The following DPP10 variants were observed in gnomAD, a reference collection of about 807,000 sequenced individuals.
DPP10 encodes inactive dipeptidyl peptidase 10.
In DPP10, 33 loss-of-function variants were observed where a neutral mutation model predicts 120.9. The observed-to-expected ratio is 0.27, with a 90% CI of 0.21 to 0.37. The LOEUF (loss-of-function observed/expected upper bound fraction) is 0.37, where lower values mean the gene tolerates loss of function less well. DPP10 is among the 10% of genes least tolerant of loss of function. The probability of loss-of-function intolerance (pLI) is 1.00; values close to 1 mark genes in which losing one functional copy is unlikely to be tolerated. For missense variants in DPP10, 816 were observed against 942.8 expected (o/e 0.87, Z 1.76); for synonymous variants, 337 against 326.1 (o/e 1.03, Z -0.36).
At chr2:115,453,895 T>G (rs1416356763) in intron 3 of DPP10, among the ~76,000 whole-genome samples, 1 of 151,264 alleles carries the variant, frequency 6.6e-6, no homozygotes, top group Admixed American at 6.6e-5. Context: ...TTACCAAGAC[T>G]GACAATGAAA....
At chr2:115,425,610 G>A (rs1042140190) in intron 3 of DPP10, among the ~76,000 whole-genome samples, 1 of 152,028 alleles carries the variant, frequency 6.6e-6, no homozygotes, top group Non-Finnish European at 1.5e-5. Context: ...CCTAAATGAA[G>A]CACATGTAGT....
At chr2:114,848,170 A>G (rs1310988454) in intron 1 of DPP10, among the ~76,000 whole-genome samples, 1 of 152,200 alleles carries the variant, frequency 6.6e-6, no homozygotes, top group African/African-American at 2.4e-5. Context: ...GCCAACAAGT[A>G]GAAGATGACA....
At chr2:114,535,867 C>T (rs1186431031) in intron 1 of DPP10, among the ~76,000 whole-genome samples, 2 of 152,190 alleles carry the variant, frequency 1.3e-5, no homozygotes, top group Admixed American at 1.3e-4. Context: ...CCTCATTTTT[C>T]ACCATGGCTT....
At chr2:114,531,420 GGA>G (rs1011604331) in intron 1 of DPP10, among the ~76,000 whole-genome samples, 1 of 151,306 alleles carries the variant, frequency 6.6e-6, no homozygotes, top group South Asian at 2.1e-4. Context: ...AGAAAGAGAA[GGA>G]GAGAGAGAAA....
chr2:115,018,015 AAG>A (rs1702788710), intron 1 of DPP10, among the ~76,000 whole-genome samples: 2 of 152,004 alleles, frequency 1.3e-5, no homozygotes, highest in Admixed American at 6.6e-5. Context: ...TAAAAAAAAA[AAG>A]AGAAAAACAA....
chr2:115,451,362 A>T (rs935150585), intron 3 of DPP10, among the ~76,000 whole-genome samples: 1 of 151,900 alleles, frequency 6.6e-6, no homozygotes, highest in African/African-American at 2.4e-5. Flanking sequence ...ATGACTGACT[A>T]TACCTTCCAA....
intron 1 of DPP10, among the ~76,000 whole-genome samples, chr2:114,920,169 T>C (rs1001629192): frequency 3.3e-5 from 5 of 152,176 alleles, no homozygotes; most frequent in African/African-American, 1.2e-4. Context: ...AGTGGTTATC[T>C]TGGAAACAAT....
intron 21 of DPP10, among the ~76,000 whole-genome samples, chr2:115,829,264 A>G (rs1688681620): frequency 1.3e-5 from 2 of 152,172 alleles, no homozygotes; most frequent in South Asian, 4.1e-4. Context: ...TCAAATAGCT[A>G]GCCAGTTTCC....
intron 1 of DPP10, among the ~76,000 whole-genome samples, chr2:114,515,295 A>T (rs1331381520): frequency 6.6e-6 from 1 of 152,168 alleles, no homozygotes; most frequent in East Asian, 1.9e-4. Context: ...ACAAACTTTA[A>T]AGGTACCGAA....
Position 115,842,403 on chromosome 2 carries a change from G to T in DPP10, c.*58G>T, listed in dbSNP as rs770651373. 2.4e-5 allele frequency: 38 copies of T among 1,562,844 alleles called. No individual in the cohort carries two copies. In the East Asian group the frequency reaches 8.1e-4, roughly 33 times the overall value. ...TTGAGGCTCAATGAAACCTGACAAAGAGACTGTAATATTGTAGTTGCTCCA... is the reference window on the plus strand; with the variant it reads ...TTGAGGCTCAATGAAACCTGACAAATAGACTGTAATATTGTAGTTGCTCCA... On this transcript the variant is annotated 3_prime_UTR_variant, in exon 26 of 26. Transcript: ENST00000410059.
chr2:114,834,617 GCACCTATGTATATATAAGCCATA>G lies in DPP10; in HGVS notation c.60+391780_60+391802del, dbSNP rs1558790998. On this transcript the variant is annotated intron_variant, in intron 1 of 25. Coordinates refer to ENST00000410059, the MANE Select transcript of DPP10 (RefSeq NM_020868.6). Reference sequence around the variant, plus strand: ...CTATGTATATATAAGCCATATCTAAGCACCTATGTATATATAAGCCATATCTACACACCTATGTATATATATAG... The same window carrying G: ...CTATGTATATATAAGCCATATCTAAGTCTACACACCTATGTATATATATAG... Among the ~76,000 whole-genome samples, 262 of 90,718 alleles carry G rather than the reference GCACCTATGTATATATAAGCCATA, an allele frequency of 2.9e-3. 1 individual carries two copies. Among genetic ancestry groups the G allele is most frequent in the Middle Eastern group, 0.013 (1 of 78 alleles). The allele number at this position is 90,718 out of a possible 152,430, so 59.5% of individuals were successfully genotyped here.
rs185719738 is a variant in DPP10, at chr2:114,458,694, T to C, written c.60+15856T>C. On this transcript the variant is annotated intron_variant, in intron 1 of 25. Transcript: ENST00000410059. The stretch of plus-strand genomic sequence containing the variant: ...AGATAGGATAATAATGTTCTCTATG[T>C]TACAGTTATAGCAATTAAATGACAT... Among the ~76,000 whole-genome samples the C allele has an allele frequency of 3.3e-5, 5 of 152,344 alleles. No homozygotes were observed. The East Asian group carries it at 9.6e-4, about 29-fold the overall frequency.
At chr2:115,266,775 C>G (rs974635363) in intron 1 of DPP10, among the ~76,000 whole-genome samples, 4 of 152,002 alleles carry the variant, frequency 2.6e-5, no homozygotes, top group African/African-American at 9.7e-5. Flanking sequence ...TTGAAGATTT[C>G]AAAAGACTAA....
At chr2:115,835,298 T>C (rs993669873) in intron 21 of DPP10, among the ~76,000 whole-genome samples, 1 of 152,104 alleles carries the variant, frequency 6.6e-6, no homozygotes, top group Non-Finnish European at 1.5e-5. Context: ...AACAAAGGCA[T>C]AAGGATGTAG....
At chr2:114,846,094 T>A (rs1309613085) in intron 1 of DPP10, among the ~76,000 whole-genome samples, 1 of 152,104 alleles carries the variant, frequency 6.6e-6, no homozygotes, top group Non-Finnish European at 1.5e-5. Context: ...TTCAATTCAG[T>A]GTTCAGCTAA....
At chr2:115,802,878 G>T (rs1685436944) in intron 19 of DPP10, among the ~76,000 whole-genome samples, 1 of 152,104 alleles carries the variant, frequency 6.6e-6, no homozygotes, top group Non-Finnish European at 1.5e-5. Context: ...GAATAGGTGT[G>T]GTGTGGTGCT....
At chr2:115,521,325 C>T (rs910564069) in intron 4 of DPP10, among the ~76,000 whole-genome samples, 4 of 152,152 alleles carry the variant, frequency 2.6e-5, no homozygotes, top group African/African-American at 9.7e-5. Flanking sequence ...ATCTATTACT[C>T]TGTATAAATG....
At chr2:115,131,964 G>A (rs1306448308) in intron 1 of DPP10, 1 of 151,984 alleles carries the variant, frequency 6.6e-6, no homozygotes, top group African/African-American at 2.4e-5. Context: ...CGATCATGGT[G>A]GCACAATCCC....
intron 1 of DPP10, among the ~76,000 whole-genome samples, chr2:114,677,819 T>G (rs954163129): frequency 7.2e-5 from 11 of 152,134 alleles, no homozygotes; most frequent in African/African-American, 2.7e-4. Flanking sequence ...ATGTTTAATC[T>G]GATGATCACT....
Sources: allele counts gnomAD v4.1 joint callset (sites outside exome capture counted in the v4.1 genomes callset), GRCh38; gene constraint gnomAD v4.1.1; transcripts MANE v1.5; gene names NCBI Gene and HGNC (gene_info 2026-07-23, HGNC 2026-07-21).